ZBTB20: variants seen among roughly 807,000 people sequenced by gnomAD.
The protein encoded by ZBTB20 is zinc finger and BTB domain containing 20, also known as zinc finger and BTB domain-containing protein 20.
In ZBTB20, 9 loss-of-function variants were observed where a neutral mutation model predicts 56.9. The observed-to-expected ratio is 0.16, with a 90% confidence interval of 0.10 to 0.28. The LOEUF is 0.28. Ranked by LOEUF, ZBTB20 falls within the 10% of genes least tolerant of loss-of-function variation. ZBTB20 has a pLI of 1.00. For missense variants in ZBTB20, 655 were observed against 1,003.0 expected, an observed-to-expected ratio of 0.65 and a Z score of 4.69; for synonymous variants, 417 against 420.7, an observed-to-expected ratio of 0.99 and a Z score of 0.11.
intron 1 of ZBTB20, among the ~76,000 whole-genome samples, chr3:115,094,108 T>C (rs1304520399): frequency 6.6e-6 from 1 of 152,058 alleles, no homozygotes; most frequent in East Asian, 1.9e-4. Context: ...TCGTCTCCCT[T>C]CTAGAAATGA....
chr3:114,952,122 G>GA (rs1303714979), intron 3 of ZBTB20, among the ~76,000 whole-genome samples: 1 of 152,056 alleles, frequency 6.6e-6, no homozygotes, highest in Non-Finnish European at 1.5e-5. Context: ...AAGCAGAGAA[G>GA]AAAGAGTGTG....
intron 2 of ZBTB20, among the ~76,000 whole-genome samples, chr3:115,025,058 TA>T (rs2080364179): frequency 2.0e-5 from 3 of 151,184 alleles, no homozygotes; most frequent in African/African-American, 7.3e-5. Context: ...TTAAGCCAAG[TA>T]TCCATTAGTT....
In ZBTB20 at chr3:114,337,254, T is replaced by C. The variant is rs950135722; in HGVS notation, c.*1751A>G. The C allele has an allele frequency of 6.6e-6, 1 of 152,254 alleles. No individual in the cohort carries two copies. Among genetic ancestry groups the C allele is most frequent in the African/African-American group, 2.4e-5 (1 of 41,454 alleles). The allele number at this position is 152,254 out of a possible 1,614,324, so 9.4% of individuals were successfully genotyped here. A position where few individuals can be genotyped will look rare whatever the true frequency, so the allele number is the denominator to read the frequency against. The stretch of plus-strand genomic sequence containing the variant: ...AGGAAAAAAGTAATTTTGGCATCAA[T>C]GCATCTTGATCTATAACAGGCTTCT... On this transcript the variant is annotated 3_prime_UTR_variant, in exon 12 of 12. Transcript: ENST00000675478.
chr3:114,749,394 A>G lies in ZBTB20; in HGVS notation c.-343+51707T>C, dbSNP rs147303086. ...TAGTGAAACCCCGTCGCTACTAAAA[A>G]TACAAAAAAGTAGCTGGGTGTGGCG... On this transcript the variant is annotated intron_variant, in intron 5 of 11. Transcript: ENST00000675478. 4.8e-3 allele frequency among the ~76,000 whole-genome samples: 738 copies of G among 152,248 alleles called. 9 individuals carry two copies. The highest frequency in any genetic ancestry group is 0.017 in the African/African-American group (708 of 41,532).
At chr3:114,597,147 A>T (rs188125663) in intron 6 of ZBTB20, among the ~76,000 whole-genome samples, 1 of 152,130 alleles carries the variant, frequency 6.6e-6, no homozygotes, top group African/African-American at 2.4e-5. Flanking sequence ...CATGAAATCT[A>T]TTTTATGCCA....
rs200022633 is a variant in ZBTB20 at position 114,835,698 on chromosome 3, AC to A, written c.-416-34525del. Among the ~76,000 whole-genome samples the A allele has an allele frequency of 1.7e-4, 26 of 152,320 alleles. No individual in the cohort carries two copies. In the East Asian group the frequency reaches 5.0e-3, roughly 29 times the overall value. ...GAATCAGTTCTAAATTTTCTAGTGGACTAGAGAATCATGCATATTTGGTAGT... is the reference window on the plus strand; with the variant it reads ...GAATCAGTTCTAAATTTTCTAGTGGATAGAGAATCATGCATATTTGGTAGT... On this transcript the variant is annotated intron_variant, in intron 4 of 11. Coordinates refer to ENST00000675478, the MANE Select transcript of ZBTB20 (RefSeq NM_001348800.3).
At chr3:114,570,294 T>C (rs915012950) in intron 6 of ZBTB20, among the ~76,000 whole-genome samples, 3 of 151,864 alleles carry the variant, frequency 2.0e-5, no homozygotes, top group African/African-American at 4.8e-5. Flanking sequence ...CAAATTTTAT[T>C]TCCTGACTTA....
chr3:115,032,564 C>T (rs2080731976), intron 2 of ZBTB20, among the ~76,000 whole-genome samples: 1 of 151,280 alleles, frequency 6.6e-6, no homozygotes, highest in African/African-American at 2.4e-5. Flanking sequence ...GAACACTCCA[C>T]CCAACAAAAA....
At chr3:114,830,619 T>C (rs1418655742) in intron 4 of ZBTB20, among the ~76,000 whole-genome samples, 1 of 151,928 alleles carries the variant, frequency 6.6e-6, no homozygotes, top group Non-Finnish European at 1.5e-5. Flanking sequence ...ACCACAACTC[T>C]AGGAGATTAG....
intron 6 of ZBTB20, among the ~76,000 whole-genome samples, chr3:114,501,357 G>A (rs919248597): frequency 6.6e-6 from 1 of 152,114 alleles, no homozygotes; most frequent in Non-Finnish European, 1.5e-5. Flanking sequence ...AGGCGCGGTG[G>A]CTCACGCCTG....
At chr3:114,830,247 A>C (rs1213649769) in intron 4 of ZBTB20, among the ~76,000 whole-genome samples, 2 of 151,944 alleles carry the variant, frequency 1.3e-5, no homozygotes, top group African/African-American at 4.8e-5. Context: ...CTTACCAAAC[A>C]GACAAATTAT....
chr3:115,057,171 T>G (rs972868970), intron 2 of ZBTB20, among the ~76,000 whole-genome samples: 4 of 152,164 alleles, frequency 2.6e-5, no homozygotes, highest in Admixed American at 6.5e-5. Context: ...AATTATTGAT[T>G]GCAATTTTTG....
chr3:114,390,068 T>A (rs1378271467), intron 7 of ZBTB20, among the ~76,000 whole-genome samples: 1 of 152,170 alleles, frequency 6.6e-6, no homozygotes, highest in Non-Finnish European at 1.5e-5. Flanking sequence ...TTTTGTGTCC[T>A]TTGACTGATG....
chr3:114,732,005 A>C (rs1326904241), intron 5 of ZBTB20, among the ~76,000 whole-genome samples: 1 of 152,144 alleles, frequency 6.6e-6, no homozygotes, highest in Non-Finnish European at 1.5e-5. Context: ...GAGATATCAG[A>C]TCACATATTG....
At chr3:114,483,137 A>C (rs894684673) in intron 7 of ZBTB20, among the ~76,000 whole-genome samples, 1 of 152,180 alleles carries the variant, frequency 6.6e-6, no homozygotes, top group African/African-American at 2.4e-5. Flanking sequence ...TTCTAGTTTA[A>C]TAACATAAGT....
At chr3:114,725,023 C>T (rs1312934612) in intron 5 of ZBTB20, among the ~76,000 whole-genome samples, 1 of 152,082 alleles carries the variant, frequency 6.6e-6, no homozygotes, top group Non-Finnish European at 1.5e-5. Flanking sequence ...AGTCTAGGAA[C>T]CATCCAGGTG....
At chr3:114,413,003 A>C (rs2088134188) in intron 7 of ZBTB20, among the ~76,000 whole-genome samples, 1 of 152,138 alleles carries the variant, frequency 6.6e-6, no homozygotes, top group South Asian at 2.1e-4. Flanking sequence ...CAGAGCATAG[A>C]GTGTAATTTT....
At chr3:114,643,071 T>C (rs907817724) in intron 6 of ZBTB20, among the ~76,000 whole-genome samples, 1 of 152,124 alleles carries the variant, frequency 6.6e-6, no homozygotes, top group African/African-American at 2.4e-5. Context: ...TCTTGTAACA[T>C]TATTAATCAC....
At chr3:114,342,948 C>T (rs901440978) in intron 11 of ZBTB20, among the ~76,000 whole-genome samples, 5 of 152,014 alleles carry the variant, frequency 3.3e-5, no homozygotes, top group South Asian at 4.2e-4. Flanking sequence ...TCCTAGGAAA[C>T]CCGTGACTGA....
Sources: gnomAD v4.1 joint callset for allele counts (sites outside exome capture counted in the v4.1 genomes callset) on GRCh38, gnomAD v4.1.1 for gene constraint, MANE v1.5 for transcripts, NCBI Gene and HGNC (gene_info 2026-07-23, HGNC 2026-07-21) for gene names.